Variants in DPM1 observed in about 807,000 individuals in gnomAD.
DPM1 encodes dolichol-phosphate mannosyltransferase subunit 1.
In DPM1, 27 loss-of-function variants were observed where a neutral mutation model predicts 39.0. The ratio of observed to expected loss-of-function variants is 0.69; its 90% CI spans 0.51 to 0.95. The LOEUF (loss-of-function observed/expected upper bound fraction) is 0.95. Among genes scored for constraint, DPM1 ranks in the 40% least tolerant of loss-of-function variants. The pLI is 0.00. For missense variants in DPM1, 307 were observed against 315.6 expected (o/e 0.97, Z 0.21); for synonymous variants, 124 against 109.0 (o/e 1.14, Z -0.86).
At chr20:50,953,215 G>T (rs950038473) in intron 2 of DPM1, among the ~76,000 whole-genome samples, 3 of 152,178 alleles carry the variant, frequency 2.0e-5, no homozygotes, top group African/African-American at 7.2e-5. Flanking sequence ...TAAGCACTGT[G>T]AATAGTTCAG....
chr20:50,945,710 C>G, intron 5 of DPM1, 27 bp downstream of exon 5: 1 of 1,522,592 alleles, frequency 6.6e-7, no homozygotes, highest in Non-Finnish European at 9.1e-7. Flanking sequence ...AGTCATATTT[C>G]TTTCAAATAT....
At chr20:50,938,511 T>A in intron 7 of DPM1, among the ~76,000 whole-genome samples, 1 of 150,936 alleles carries the variant, frequency 6.6e-6, no homozygotes, top group South Asian at 2.1e-4. Flanking sequence ...CCCTCCCGAG[T>A]AGCTGGGACT....
chr20:50,952,111 A>C lies in DPM1; in HGVS notation c.261+3075T>G, dbSNP rs370730937. The stretch of plus-strand genomic sequence containing the variant: ...ACTCATTTGCCATGTGATCTTGAGA[A>C]TATAAAGAGGCGTGACAAAGCCCCC... On this transcript the variant is annotated intron_variant, in intron 2 of 8. Coordinates refer to ENST00000371588, the MANE Select transcript of DPM1 (RefSeq NM_003859.3). Among the ~76,000 whole-genome samples the C allele has an allele frequency of 2.6e-5, 4 of 152,332 alleles. No individual in the cohort carries two copies. In the South Asian group the frequency reaches 6.2e-4, roughly 24 times the overall value.
chr20:50,951,321 C>T (rs1986565263), intron 2 of DPM1, among the ~76,000 whole-genome samples: 1 of 152,046 alleles, frequency 6.6e-6, no homozygotes, highest in Admixed American at 6.6e-5. Flanking sequence ...CAAAAGATCG[C>T]CAAGACAGAA....
Position 50,958,374 on chromosome 20 carries a change from G to A in DPM1, c.150C>T (p.Ser50=), listed in dbSNP as rs1187093279. The part of the protein sequence containing the change: ...LPLIVWLLVK[S]FSESGINYEI... ...ACCTGGTGCGCTACCTCTCGGAGAAGCTTTTCACCAGCAGCCACACGATGA... is the reference window on the plus strand; with the variant it reads ...ACCTGGTGCGCTACCTCTCGGAGAAACTTTTCACCAGCAGCCACACGATGA... Residue 50 remains serine, a synonymous_variant, in exon 1 of 9, where the codon AGC becomes AGT. Coordinates refer to ENST00000371588, the MANE Select transcript of DPM1 (RefSeq NM_003859.3). 3 of 1,613,656 alleles carry A rather than the reference G, an allele frequency of 1.9e-6. No individual in the cohort carries two copies. In the African/African-American group the frequency reaches 4.0e-5, roughly 22 times the overall value.
At chr20:50,951,859 A>G (rs1051818617) in intron 2 of DPM1, among the ~76,000 whole-genome samples, 1 of 152,222 alleles carries the variant, frequency 6.6e-6, no homozygotes, top group African/African-American at 2.4e-5. Context: ...GGTAACATTT[A>G]TATTTTACAA....
chr20:50,948,173 C>T (rs531863747), intron 3 of DPM1, among the ~76,000 whole-genome samples: 1 of 152,256 alleles, frequency 6.6e-6, no homozygotes, highest in African/African-American at 2.4e-5. Flanking sequence ...TGTTACTCTC[C>T]CTCCTACCTC....
intron 5 of DPM1, among the ~76,000 whole-genome samples, chr20:50,943,100 C>T (rs1453679435): frequency 4.6e-5 from 7 of 152,036 alleles, no homozygotes; most frequent in South Asian, 2.1e-4. Context: ...TGCTTGAACC[C>T]GGGACGTGGA....
chr20:50,937,328 T>C (rs1985275354), intron 7 of DPM1, among the ~76,000 whole-genome samples: 1 of 152,226 alleles, frequency 6.6e-6, no homozygotes, highest in Non-Finnish European at 1.5e-5. Flanking sequence ...TGCAATCCTT[T>C]ATCCACATAG....
chr20:50,955,144 T>C (rs1258493771), intron 2 of DPM1, 42 bp downstream of exon 2: 1 of 1,398,190 alleles, frequency 7.2e-7, no homozygotes, highest in African/African-American at 1.4e-5. Context: ...TTCCCCTACA[T>C]AATCACAATT....
chr20:50,958,298 G>A (rs80243031), intron 1 of DPM1, 65 bp downstream of exon 1: 8 of 1,594,004 alleles, frequency 5.0e-6, no homozygotes, highest in Non-Finnish European at 6.8e-6. Flanking sequence ...GCAGCCAGCT[G>A]CCGACACCCG....
At chr20:50,955,881 T>G (rs1167638574) in intron 1 of DPM1, among the ~76,000 whole-genome samples, 1 of 152,216 alleles carries the variant, frequency 6.6e-6, no homozygotes, top group East Asian at 1.9e-4. Flanking sequence ...TTTTATTACC[T>G]ATTTGGAAAT....
rs587777114 is a variant in DPM1 at position 50,935,173 on chromosome 20, A to G, written c.742T>C (p.Ser248Pro). ...AGAGTCAATAATCCTTTCAAGAAAG[A>G]TACTATTTCATTTCCTCCCAACTTG... is the stretch of plus-strand genomic sequence containing the variant. The part of the protein sequence containing the change: ...ESKLGGNEIV[S>P]FLKGLLTLFA... Residue 248 changes from serine to proline, a missense_variant, in exon 9 of 9, where the codon TCT becomes CCT. Physicochemically the swap from Ser to Pro is moderately conservative, Grantham distance 74. Around this residue, in one of 3 missense-constraint regions of DPM1, gnomAD observed 70 missense variants for 69.4 expected, o/e 1.01. Transcript: ENST00000371588. The G allele has an allele frequency of 2.5e-6, 4 of 1,608,892 alleles. No individual in the cohort carries two copies. Among genetic ancestry groups the G allele is most frequent in the Non-Finnish European group, 3.4e-6 (4 of 1,175,730 alleles).
At chr20:50,943,223 A>G (rs1986006309) in intron 5 of DPM1, among the ~76,000 whole-genome samples, 1 of 152,200 alleles carries the variant, frequency 6.6e-6, no homozygotes, top group Non-Finnish European at 1.5e-5. Context: ...CCTACAGGTC[A>G]AGAGAGCTCT....
chr20:50,957,311 A>G (rs887944083), intron 1 of DPM1, among the ~76,000 whole-genome samples: 4 of 152,210 alleles, frequency 2.6e-5, no homozygotes, highest in African/African-American at 9.6e-5. Flanking sequence ...CCAAACTTGT[A>G]CAACCTTTTT....
chr20:50,938,484 G>C (rs1191056193), intron 7 of DPM1, among the ~76,000 whole-genome samples: 1 of 150,902 alleles, frequency 6.6e-6, no homozygotes, highest in Non-Finnish European at 1.5e-5. Context: ...CCAGGTTCAC[G>C]CCATTCTCCT....
chr20:50,936,665 A>G (rs1193220655), intron 7 of DPM1, among the ~76,000 whole-genome samples: 2 of 152,236 alleles, frequency 1.3e-5, no homozygotes, highest in South Asian at 2.1e-4. Flanking sequence ...AAGCAACTAT[A>G]TATGTTAGAT....
chr20:50,943,130 G>A (rs1285241993), intron 5 of DPM1, among the ~76,000 whole-genome samples: 1 of 152,038 alleles, frequency 6.6e-6, no homozygotes, highest in Non-Finnish European at 1.5e-5. Flanking sequence ...GACTGAGACT[G>A]CGCCACTGCA....
At chr20:50,952,653 A>G (rs933935201) in intron 2 of DPM1, among the ~76,000 whole-genome samples, 1 of 152,174 alleles carries the variant, frequency 6.6e-6, no homozygotes, top group African/African-American at 2.4e-5. Flanking sequence ...TTTTGGTCTT[A>G]TGAATTATCT....
Sources: allele counts gnomAD v4.1 joint callset (sites outside exome capture counted in the v4.1 genomes callset), GRCh38; gene constraint gnomAD v4.1.1; regional missense constraint gnomAD v4.1.1; transcripts MANE v1.5; gene names NCBI Gene and HGNC (gene_info 2026-07-23, HGNC 2026-07-21).